Variants in EDEM3 observed in about 807,000 individuals in gnomAD.
EDEM3 encodes the protein ER degradation enhancing alpha-mannosidase like protein 3, also known as ER degradation-enhancing alpha-mannosidase-like protein 3.
In EDEM3, 60 loss-of-function variants were observed where a neutral mutation model predicts 110.2. That is an observed-to-expected ratio of 0.54 (90% CI 0.44 to 0.67). The LOEUF is 0.67. Ranked by LOEUF, EDEM3 falls within the 30% of genes least tolerant of loss-of-function variation. EDEM3 has a pLI of 0.00. For missense variants in EDEM3, 996 were observed against 1,121.0 expected, an observed-to-expected ratio of 0.89 and a Z score of 1.59; for synonymous variants, 352 against 382.9, an observed-to-expected ratio of 0.92 and a Z score of 0.94.
chr1:184,719,030 A>G, intron 11 of EDEM3, 132 bp downstream of exon 11: 2 of 472,692 alleles, frequency 4.2e-6, no homozygotes, highest in Admixed American at 3.8e-5. Context: ...TAGGAAAAAA[A>G]TAAAAAGAAC....
intron 6 of EDEM3, among the ~76,000 whole-genome samples, chr1:184,729,120 GC>G (rs891737034): frequency 8.1e-4 from 124 of 152,172 alleles, no homozygotes; most frequent in African/African-American, 2.6e-3. Context: ...ATATATTACT[GC>G]AGAAATTAGT....
At chr1:184,723,604 T>C in intron 8 of EDEM3, 147 bp downstream of exon 8, 1 of 671,874 alleles carries the variant, frequency 1.5e-6, no homozygotes, top group Non-Finnish European at 2.4e-6. Context: ...AAAAAGAAAA[T>C]CTGGCTAAAT....
Position 184,721,278 on chromosome 1 carries a change from T to C in EDEM3, c.951+11A>G. 1 of 1,580,916 alleles carries C rather than the reference T, an allele frequency of 6.3e-7. No individual in the cohort carries two copies. The highest frequency in any genetic ancestry group is 1.2e-5 in the South Asian group (1 of 86,010). The stretch of plus-strand genomic sequence containing the variant: ...AAGTTGATTATAAAATATAAAATTG[T>C]ATCAACTTACTGTGTTAAATCTTTC... On this transcript the variant is annotated intron_variant, in intron 9 of 19. Transcript: ENST00000318130.
At chr1:184,706,968 T>C (rs1191686173) in intron 17 of EDEM3, among the ~76,000 whole-genome samples, 160 bp from the exon 18 acceptor site, 1 of 152,218 alleles carries the variant, frequency 6.6e-6, no homozygotes, top group Non-Finnish European at 1.5e-5. Context: ...TTTAAACATT[T>C]TGCATATCAC....
intron 4 of EDEM3, among the ~76,000 whole-genome samples, chr1:184,735,067 A>G (rs1281100116): frequency 1.3e-5 from 2 of 152,192 alleles, no homozygotes; most frequent in Non-Finnish European, 2.9e-5. Context: ...AATTGTTCCT[A>G]AACTATACAT....
intron 2 of EDEM3, among the ~76,000 whole-genome samples, chr1:184,746,289 A>C (rs1225357309): frequency 2.0e-5 from 3 of 152,252 alleles, no homozygotes; most frequent in Admixed American, 6.5e-5. Flanking sequence ...TATTACATTA[A>C]TAGAAAGTAA....
intron 12 of EDEM3, 54 bp downstream of exon 12, chr1:184,717,486 A>T: frequency 7.0e-7 from 1 of 1,429,748 alleles, no homozygotes; most frequent in Non-Finnish European, 9.7e-7. Flanking sequence ...AGAATGAGAG[A>T]TCCAACAGAG....
intron 6 of EDEM3, among the ~76,000 whole-genome samples, chr1:184,729,287 T>G (rs1026325510): frequency 2.0e-5 from 3 of 152,166 alleles, no homozygotes; most frequent in Non-Finnish European, 4.4e-5. Flanking sequence ...CACTTTTTTA[T>G]TGCAAAGTAA....
intron 19 of EDEM3, among the ~76,000 whole-genome samples, chr1:184,699,950 T>A (rs1342428148): frequency 1.3e-5 from 2 of 151,924 alleles, no homozygotes; most frequent in East Asian, 3.9e-4. Context: ...TAACAAAACA[T>A]TGCCTTTTGT....
chr1:184,717,741 T>A, intron 11 of EDEM3, 118 bp from the exon 12 acceptor site: 2 of 625,188 alleles, frequency 3.2e-6, no homozygotes, highest in Non-Finnish European at 4.9e-6. Flanking sequence ...CAGGACATTT[T>A]CATCAATAAA....
At chr1:184,702,325 T>C (rs1004441019) in intron 19 of EDEM3, among the ~76,000 whole-genome samples, 2 of 152,336 alleles carry the variant, frequency 1.3e-5, no homozygotes, top group East Asian at 1.9e-4. Context: ...TTAGATCTCA[T>C]TGGGAAGAAG....
chr1:184,716,884 T>C lies in EDEM3; in HGVS notation c.1370+4A>G. 6.2e-7 allele frequency: 1 copy of C among 1,612,922 alleles called. No homozygotes were observed. The highest frequency in any genetic ancestry group is 1.1e-5 in the South Asian group (1 of 90,988). The stretch of plus-strand genomic sequence containing the variant: ...AGGAAAGAGGATGTTAGCAATTGTT[T>C]TACCTGTCCTCATGACTTCCAGTAC... On this transcript the variant is annotated splice_donor_region_variant and intron_variant, in intron 13 of 19. Transcript: ENST00000318130.
At position 184,734,591 on chromosome 1, in the gene EDEM3, T is replaced by G; in HGVS notation, c.398A>C (p.Asp133Ala). 1 of 1,558,548 alleles carries G rather than the reference T, an allele frequency of 6.4e-7. No homozygotes were observed. Among genetic ancestry groups the G allele is most frequent in the Non-Finnish European group, 8.7e-7 (1 of 1,150,660 alleles). The change falls in exon 5 of 20, where the codon GAT becomes GCT. Residue 133 changes from aspartate to alanine, a missense_variant. This residue lies in a region of EDEM3 where 200 missense variants were observed against 183.8 expected (regional missense o/e 1.09). Transcript: ENST00000318130. ...FEDAVRKVLR[D>A]VNLDNDVVVS... ...GACTACATCGTTATCTAAATTAACA[T>G]CTCTTAAAACTTTTCTCACTGCATC...
chr1:184,732,693 G>A (rs1651593430), intron 6 of EDEM3, 144 bp downstream of exon 6: 1 of 743,164 alleles, frequency 1.3e-6, no homozygotes. Flanking sequence ...TAATTGAAAT[G>A]AAAATATAAA....
rs1157419634 is a variant in EDEM3, at chr1:184,692,771, T to TACAACA, written c.*1286_*1291dup. The TACAACA allele has an allele frequency of 9.2e-6, 1 of 108,902 alleles. No homozygotes were observed. Among genetic ancestry groups the TACAACA allele is most frequent in the East Asian group, 3.4e-4 (1 of 2,958 alleles). The allele number at this position is 108,902 out of a possible 1,614,324, so 6.7% of individuals were successfully genotyped here. On this transcript the variant is annotated 3_prime_UTR_variant, in exon 20 of 20. Transcript: ENST00000318130. ...TTAAATGTGGCCAGCACCAGACTAC[T>TACAACA]ACAACAACAACAAACCAAAAAAAAA...
rs1649195923 is a variant in EDEM3 at position 184,693,944 on chromosome 1, T to C, written c.*119A>G. Reference sequence around the variant, plus strand: ...GATAACTACGCCAGTCAGAACGTGGTTGTTCATCACCATACTTAAAGCCTC... The same window carrying C: ...GATAACTACGCCAGTCAGAACGTGGCTGTTCATCACCATACTTAAAGCCTC... On this transcript the variant is annotated 3_prime_UTR_variant, in exon 20 of 20. Coordinates refer to ENST00000318130, the MANE Select transcript of EDEM3 (RefSeq NM_025191.4). 9.7e-7 allele frequency: 1 copy of C among 1,028,038 alleles called. No homozygotes were observed. Among genetic ancestry groups the C allele is most frequent in the Admixed American group, 2.5e-5 (1 of 39,594 alleles). The allele number at this position is 1,028,038 out of a possible 1,614,324, so 63.7% of individuals were successfully genotyped here. A position where few individuals can be genotyped will look rare whatever the true frequency, so the allele number is the denominator to read the frequency against.
At chr1:184,725,601 C>G (rs1430275092) in intron 7 of EDEM3, among the ~76,000 whole-genome samples, 1 of 151,376 alleles carries the variant, frequency 6.6e-6, no homozygotes, top group Non-Finnish European at 1.5e-5. Flanking sequence ...CTATACAGTC[C>G]CTATTTCTGC....
chr1:184,750,229 C>A (rs985881879), intron 1 of EDEM3, among the ~76,000 whole-genome samples: 9 of 152,188 alleles, frequency 5.9e-5, no homozygotes, highest in Non-Finnish European at 1.5e-5. Flanking sequence ...GTATTCACTT[C>A]CAAAATGAGA....
intron 16 of EDEM3, among the ~76,000 whole-genome samples, chr1:184,709,993 C>CTT (rs1428375626): frequency 1.3e-5 from 2 of 152,128 alleles, no homozygotes; most frequent in African/African-American, 4.8e-5. Context: ...GAACAAAATA[C>CTT]TTAAGATTCA....
Sources: gnomAD v4.1 joint callset for allele counts (sites outside exome capture counted in the v4.1 genomes callset) on GRCh38, gnomAD v4.1.1 for gene constraint, gnomAD v4.1.1 regional missense constraint, MANE v1.5 for transcripts, NCBI Gene and HGNC (gene_info 2026-07-23, HGNC 2026-07-21) for gene names.